NF2: variants seen among roughly 807,000 people sequenced by gnomAD.
NF2 encodes NF2, moesin-ezrin-radixin like (MERLIN) tumor suppressor.
NF2 carries 8 observed loss-of-function variants against 83.7 expected under a neutral mutation model. The observed-to-expected ratio is 0.10, with a 90% CI of 0.06 to 0.17. The LOEUF is 0.17. NF2 is among the 10% of genes least tolerant of loss of function. NF2 has a pLI of 1.00. For missense variants in NF2, 533 were observed against 744.4 expected, an observed-to-expected ratio of 0.72 and a Z score of 3.31; for synonymous variants, 266 against 269.6, an observed-to-expected ratio of 0.99 and a Z score of 0.13.
chr22:29,668,187 G>C, intron 9 of NF2, 146 bp from the exon 10 acceptor site: 3 of 664,188 alleles, frequency 4.5e-6, no homozygotes. Context: ...GAGGCCACTA[G>C]TAGGGCTTTG....
At chr22:29,623,738 GT>G (rs1011649012) in intron 1 of NF2, among the ~76,000 whole-genome samples, 7 of 152,116 alleles carry the variant, frequency 4.6e-5, no homozygotes, top group Admixed American at 2.6e-4. Context: ...TTCCTGCATC[GT>G]TTTACTTGTG....
chr22:29,604,515 TG>T (rs1353341103), intron 1 of NF2, among the ~76,000 whole-genome samples: 1 of 152,204 alleles, frequency 6.6e-6, no homozygotes, highest in Non-Finnish European at 1.5e-5. Context: ...TTGCATATTC[TG>T]GGAAAAAAAA....
chr22:29,637,119 C>G (rs1187080450), intron 2 of NF2, among the ~76,000 whole-genome samples: 1 of 152,212 alleles, frequency 6.6e-6, no homozygotes, highest in Non-Finnish European at 1.5e-5. Context: ...CTTCTTTACC[C>G]ATTGTTACCA....
chr22:29,622,418 A>G (rs1171390334), intron 1 of NF2, among the ~76,000 whole-genome samples: 2 of 152,154 alleles, frequency 1.3e-5, no homozygotes, highest in Admixed American at 6.5e-5. Context: ...ACAGTTAAGC[A>G]TTGTCTAGTT....
chr22:29,608,214 A>T (rs1163978152), intron 1 of NF2, among the ~76,000 whole-genome samples: 1 of 147,162 alleles, frequency 6.8e-6, no homozygotes, highest in African/African-American at 2.5e-5. Context: ...TAACAAATTT[A>T]AAAATTAACT....
Position 29,694,719 on chromosome 22 carries a change from T to G in NF2, c.1738-33T>G. ...CCTGTGTGACAGAGCGGAGGTCTTG[T>G]GCCCTCTCAGCTTCTTCTCTGCTTT... On this transcript the variant is annotated intron_variant, in intron 15 of 15. Transcript: ENST00000338641. This position sits in a 1 kb window ranked among gnomAD's most constrained non-coding sequence, Gnocchi z 4.1. 1 of 1,611,794 alleles carries G rather than the reference T, an allele frequency of 6.2e-7. No homozygotes were observed. Among genetic ancestry groups the G allele is most frequent in the Non-Finnish European group, 8.5e-7 (1 of 1,178,826 alleles).
At chr22:29,622,646 ATTTTTTT>A (rs35744962) in intron 1 of NF2, among the ~76,000 whole-genome samples, 4 of 63,260 alleles carry the variant, frequency 6.3e-5, no homozygotes, top group African/African-American at 1.2e-4. Flanking sequence ...AAGACCCTGT[ATTTTTTT>A]TTTTTTTTTT....
At chr22:29,691,756 G>A (rs886103570) in intron 15 of NF2, among the ~76,000 whole-genome samples, 16 of 152,258 alleles carry the variant, frequency 1.1e-4, no homozygotes, top group Admixed American at 2.6e-4. Context: ...AGGTGGCAGA[G>A]CTGTTTGCAT....
At chr22:29,635,451 C>T (rs536699632) in intron 1 of NF2, among the ~76,000 whole-genome samples, 88 of 152,212 alleles carry the variant, frequency 5.8e-4, no homozygotes, top group African/African-American at 2.1e-3. Context: ...GCCTCAGCCT[C>T]CCGAGTAGCT....
chr22:29,694,513 C>T lies in NF2; in HGVS notation c.1738-239C>T, dbSNP rs1053947426. ...AATGCTGACGGCTTTTTCCTGCTGG[C>T]GTGCCTCTGCCCACCAGCCTTCCCC... On this transcript the variant is annotated intron_variant, in intron 15 of 15. Transcript: ENST00000338641. The surrounding 1 kb of genome is among the most constrained non-coding windows in gnomAD (Gnocchi z 4.1). 1.3e-5 allele frequency among the ~76,000 whole-genome samples: 2 copies of T among 152,222 alleles called. No homozygotes were observed. The highest frequency in any genetic ancestry group is 1.9e-4 in the East Asian group (1 of 5,194).
intron 9 of NF2, among the ~76,000 whole-genome samples, chr22:29,666,388 C>T (rs1365922859): frequency 6.6e-6 from 1 of 152,136 alleles, no homozygotes; most frequent in African/African-American, 2.4e-5. Context: ...ATCTGCCCAC[C>T]TTGGCCTCCC....
At chr22:29,639,044 G>A in intron 2 of NF2, 46 bp from the exon 3 acceptor site, 2 of 1,613,952 alleles carry the variant, frequency 1.2e-6, no homozygotes, top group Non-Finnish European at 1.7e-6. Context: ...AGCACAGGAG[G>A]AAGTGCCAAT....
intron 1 of NF2, among the ~76,000 whole-genome samples, chr22:29,610,502 G>A (rs1383042931): frequency 6.6e-6 from 1 of 152,006 alleles, no homozygotes; most frequent in African/African-American, 2.4e-5. Context: ...AATTAGCCGA[G>A]CATGGTGGAG....
chr22:29,624,807 TTC>T (rs1457796245), intron 1 of NF2, among the ~76,000 whole-genome samples: 3 of 36,262 alleles, frequency 8.3e-5, no homozygotes, highest in Non-Finnish European at 1.2e-4. Context: ...TCCTCTTTCT[TTC>T]TTTCTTTCTT....
chr22:29,633,317 C>T (rs2065563121), intron 1 of NF2, among the ~76,000 whole-genome samples: 1 of 152,170 alleles, frequency 6.6e-6, no homozygotes, highest in Non-Finnish European at 1.5e-5. Flanking sequence ...TGCTGCTTCT[C>T]CTTGATTCCA....
intron 1 of NF2, among the ~76,000 whole-genome samples, chr22:29,631,987 G>C (rs894558428): frequency 6.6e-6 from 1 of 152,176 alleles, no homozygotes; most frequent in Admixed American, 6.5e-5. Flanking sequence ...TCCATCTTAG[G>C]TAACAATTTA....
intron 8 of NF2, among the ~76,000 whole-genome samples, chr22:29,662,374 C>T (rs1217723011): frequency 1.3e-5 from 2 of 152,228 alleles, no homozygotes; most frequent in Admixed American, 1.3e-4. Context: ...GCAATCCTCC[C>T]ACCTCAGCCT....
chr22:29,681,554 G>T lies in NF2; in HGVS notation c.1690G>T (p.Glu564Ter). The change falls in exon 15 of 16, where the codon GAG (glutamate) becomes TAG (stop). Residue 564 changes from glutamate to a stop codon, truncating the protein, a stop_gained. Transcript: ENST00000338641. LOFTEE classifies it high-confidence loss of function. ...GACAGCTCTGGATATTCTGCACAAT[G>T]AGAACTCCGACAGGGGTGGCAGCAG... ...RETALDILHN[E>*]NSDRGGSSKH... 6.2e-7 allele frequency: 1 copy of T among 1,614,198 alleles called. No homozygotes were observed. The highest frequency in any genetic ancestry group is 1.1e-5 in the South Asian group (1 of 91,088).
chr22:29,658,287 T>A (rs1345115919), intron 7 of NF2, 23 bp downstream of exon 7: 6 of 1,606,682 alleles, frequency 3.7e-6, no homozygotes, highest in East Asian at 2.2e-5. Flanking sequence ...CTCTCTGAGC[T>A]CCTTGTGTAG....
Sources: allele counts gnomAD v4.1 joint callset (sites outside exome capture counted in the v4.1 genomes callset), GRCh38; gene constraint gnomAD v4.1.1; non-coding constraint Gnocchi (gnomAD v3.1); transcripts MANE v1.5; gene names NCBI Gene and HGNC (gene_info 2026-07-23, HGNC 2026-07-21).